PCDH15: variants seen among roughly 807,000 people sequenced by gnomAD.
The protein encoded by PCDH15 is protocadherin related 15, also known as protocadherin-15.
PCDH15 carries 129 observed loss-of-function variants against 178.5 expected under a neutral mutation model. The observed-to-expected ratio is 0.72, with a 90% CI of 0.63 to 0.84. The LOEUF (loss-of-function observed/expected upper bound fraction) is 0.84, where lower values mean the gene tolerates loss of function less well. Among genes scored for constraint, PCDH15 ranks in the 40% least tolerant of loss-of-function variants. The pLI is 0.00. For missense variants in PCDH15, 2,230 were observed against 2,099.9 expected (o/e 1.06, Z -1.21); for synonymous variants, 800 against 732.0 (o/e 1.09, Z -1.50).
chr10:53,903,192 C>T (rs774781815), intron 26 of PCDH15, 51 bp downstream of exon 26: 3 of 1,604,954 alleles, frequency 1.9e-6, no homozygotes, highest in Non-Finnish European at 2.6e-6. Context: ...AGCTTATCTG[C>T]AAAACCTGAG....
chr10:54,109,140 T>C (rs574416821), intron 15 of PCDH15, among the ~76,000 whole-genome samples: 1 of 152,234 alleles, frequency 6.6e-6, no homozygotes, highest in South Asian at 2.1e-4. Flanking sequence ...TTCGTATAAA[T>C]GTAAATCAGT....
At chr10:55,542,402 T>C (rs1052823307) in intron 2 of PCDH15, among the ~76,000 whole-genome samples, 8 of 150,974 alleles carry the variant, frequency 5.3e-5, no homozygotes, top group Non-Finnish European at 7.4e-5. Context: ...CATGGATACA[T>C]ATGTATATGT....
chr10:53,888,955 CA>C (rs61112246), intron 26 of PCDH15, among the ~76,000 whole-genome samples: 13,152 of 149,352 alleles, frequency 0.088, 1,638 homozygotes, highest in African/African-American at 0.28. Context: ...GAGAACACGT[CA>C]AGTAGAGTGG....
intron 7 of PCDH15, among the ~76,000 whole-genome samples, chr10:54,317,973 A>T (rs2061381626): frequency 6.6e-6 from 1 of 152,192 alleles, no homozygotes; most frequent in African/African-American, 2.4e-5. Flanking sequence ...GCCTTTACCT[A>T]ACAGTTCACA....
intron 1 of PCDH15, among the ~76,000 whole-genome samples, chr10:55,242,284 C>T (rs150874584): frequency 2.0e-5 from 3 of 152,060 alleles, no homozygotes; most frequent in African/African-American, 4.8e-5. Flanking sequence ...CCACTTCCTG[C>T]TTGTATGTGC....
At chr10:54,258,048 T>C (rs182160014) in intron 8 of PCDH15, among the ~76,000 whole-genome samples, 27 of 152,238 alleles carry the variant, frequency 1.8e-4, no homozygotes, top group South Asian at 4.1e-4. Flanking sequence ...TAAAAGATAA[T>C]TAATTGGTAC....
chr10:54,499,976 C>A (rs945959118), intron 3 of PCDH15, among the ~76,000 whole-genome samples: 2 of 152,030 alleles, frequency 1.3e-5, no homozygotes, highest in African/African-American at 4.8e-5. Flanking sequence ...ATCTTTCTAC[C>A]AAAAAGACAC....
At chr10:53,825,880 A>AATT (rs1359653240) in intron 32 of PCDH15, among the ~76,000 whole-genome samples, 1 of 151,492 alleles carries the variant, frequency 6.6e-6, no homozygotes, top group Non-Finnish European at 1.5e-5. Flanking sequence ...AGTCTACTAC[A>AATT]ATTGTTCAAG....
chr10:54,579,510 A>C (rs1366350608), intron 2 of PCDH15, among the ~76,000 whole-genome samples: 6 of 152,092 alleles, frequency 3.9e-5, no homozygotes, highest in Non-Finnish European at 8.8e-5. Context: ...AAAACCTATA[A>C]AAAGACTTAG....
At chr10:55,000,343 C>T (rs754593398) in intron 2 of PCDH15, among the ~76,000 whole-genome samples, 248 of 152,280 alleles carry the variant, frequency 1.6e-3, no homozygotes, top group Non-Finnish European at 1.5e-3. Context: ...CTCCCATTTG[C>T]TTTTGAAAGA....
intron 2 of PCDH15, among the ~76,000 whole-genome samples, chr10:54,610,787 G>A (rs1235832688): frequency 1.3e-5 from 2 of 151,820 alleles, no homozygotes; most frequent in African/African-American, 4.8e-5. Flanking sequence ...TTGGTTTAAA[G>A]AGAATGAGTT....
chr10:54,118,594 A>T (rs1241111571), intron 15 of PCDH15, among the ~76,000 whole-genome samples: 1 of 152,120 alleles, frequency 6.6e-6, no homozygotes, highest in Non-Finnish European at 1.5e-5. Context: ...CAGGAGGCAG[A>T]ACTGGCAGTG....
At chr10:55,429,982 T>A (rs10825508) in intron 2 of PCDH15, among the ~76,000 whole-genome samples, 31,876 of 152,132 alleles carry the variant, frequency 0.21, 4,441 homozygotes, top group Non-Finnish European at 0.31. Flanking sequence ...TTTATTTAAC[T>A]ATAACATTTA....
intron 18 of PCDH15, among the ~76,000 whole-genome samples, chr10:54,050,974 C>T (rs536554975): frequency 6.6e-6 from 1 of 152,090 alleles, no homozygotes; most frequent in Non-Finnish European, 1.5e-5. Context: ...CATTTTTTCT[C>T]TCCCTTCACT....
chr10:54,171,501 T>C (rs146103236), intron 13 of PCDH15, among the ~76,000 whole-genome samples: 33 of 151,778 alleles, frequency 2.2e-4, no homozygotes, highest in Non-Finnish European at 4.4e-4. Context: ...ATCCCTACTA[T>C]CTTCTGTCTA....
At chr10:55,567,760 G>A (rs1018791003) in intron 2 of PCDH15, among the ~76,000 whole-genome samples, 9 of 151,812 alleles carry the variant, frequency 5.9e-5, no homozygotes, top group Admixed American at 1.3e-4. Context: ...GTTCATAAGC[G>A]CGATGACTGG....
At chr10:55,566,539 G>T (rs985980949) in intron 2 of PCDH15, among the ~76,000 whole-genome samples, 3 of 151,542 alleles carry the variant, frequency 2.0e-5, no homozygotes, top group African/African-American at 7.2e-5. Flanking sequence ...TGTTTACAGA[G>T]AATATAATCT....
chr10:54,614,131 C>A (rs1428362472), intron 2 of PCDH15, among the ~76,000 whole-genome samples: 1 of 151,818 alleles, frequency 6.6e-6, no homozygotes, highest in Non-Finnish European at 1.5e-5. Flanking sequence ...TATGCATATA[C>A]ACTAGACCTA....
chr10:55,333,698 T>A (rs1844275912), intron 2 of PCDH15, among the ~76,000 whole-genome samples: 1 of 152,092 alleles, frequency 6.6e-6, no homozygotes, highest in Non-Finnish European at 1.5e-5. Context: ...TGTCATGATC[T>A]ACTAATTATT....
Sources: allele counts gnomAD v4.1 joint callset (sites outside exome capture counted in the v4.1 genomes callset), GRCh38; gene constraint gnomAD v4.1.1; transcripts MANE v1.5; gene names NCBI Gene and HGNC (gene_info 2026-07-23, HGNC 2026-07-21).